The following SBDS variants were observed in gnomAD, a reference collection of about 807,000 sequenced individuals.
The protein encoded by SBDS is SBDS ribosome maturation factor, also known as ribosome maturation protein SBDS.
In SBDS, 20 loss-of-function variants were observed where a neutral mutation model predicts 26.4. That is an observed-to-expected ratio of 0.76 (90% CI 0.53 to 1.10). The LOEUF (loss-of-function observed/expected upper bound fraction) is 1.10. SBDS is among the 50% of genes least tolerant of loss of function. SBDS has a pLI of 0.00. For missense variants in SBDS, 241 were observed against 302.0 expected, an observed-to-expected ratio of 0.80 and a Z score of 1.50; for synonymous variants, 95 against 105.1, an observed-to-expected ratio of 0.90 and a Z score of 0.59.
Position 66,994,240 on chromosome 7 carries a change from G to C in SBDS, c.230C>G (p.Thr77Arg). 1 of 1,614,098 alleles carries C rather than the reference G, an allele frequency of 6.2e-7. No individual in the cohort carries two copies. Among genetic ancestry groups the C allele is most frequent in the Non-Finnish European group, 8.5e-7 (1 of 1,179,984 alleles). The change falls in exon 2 of 5, where the codon ACA becomes AGA. Residue 77 changes from threonine to arginine, a missense_variant. Physicochemically the swap from Thr to Arg is moderately conservative, Grantham distance 71. Coordinates refer to ENST00000246868, the MANE Select transcript of SBDS (RefSeq NM_016038.4). ...KKEDLISAFG[T>R]DDQTEICKQI... ...CTTACAGATTTCAGTTTGGTCATCT[G>C]TTCCAAACGCACTGATGAGATCTTC...
chr7:66,995,524 G>A lies in SBDS; in HGVS notation c.-107C>T, dbSNP rs539111398. The A allele has an allele frequency of 1.3e-6, 2 of 1,544,990 alleles. No individual in the cohort carries two copies. The highest frequency in any genetic ancestry group is 1.8e-6 in the Non-Finnish European group (2 of 1,127,912). Reference sequence around the variant, plus strand: ...TAACGACCGATCGGCGCGCGGCACTGACCCAACCACCAGTGCGCGGCGCCG... The same window carrying A: ...TAACGACCGATCGGCGCGCGGCACTAACCCAACCACCAGTGCGCGGCGCCG... On this transcript the variant is annotated 5_prime_UTR_variant, in exon 1 of 5. Coordinates refer to ENST00000246868, the MANE Select transcript of SBDS (RefSeq NM_016038.4).
In SBDS at chr7:66,995,335, T is replaced by C. The variant is rs751298432; in HGVS notation, c.83A>G (p.Glu28Gly). ...GACCTTGTTTTTGTAGCAGGCGATT[T>C]CGAAGCGCTTCCCGGCACGCTTCAT... is the stretch of plus-strand genomic sequence containing the variant. ...VRMKRAGKRFEIACYKNKVVG... is the reference protein window; with the variant it reads ...VRMKRAGKRFGIACYKNKVVG... The change falls in exon 1 of 5, where the codon GAA becomes GGA. Residue 28 changes from glutamate (E) to glycine (G), a missense_variant. By Grantham distance (98) the Glu-to-Gly change is moderately conservative. Transcript: ENST00000246868. 1.2e-6 allele frequency: 2 copies of C among 1,614,136 alleles called. No homozygotes were observed. The highest frequency in any genetic ancestry group is 1.7e-6 in the Non-Finnish European group (2 of 1,180,014).
Position 66,988,216 on chromosome 7 carries a change from T to C in SBDS, c.*155A>G. The C allele has an allele frequency of 2.6e-6, 2 of 777,792 alleles. No individual in the cohort carries two copies. Among genetic ancestry groups the C allele is most frequent in the Non-Finnish European group, 4.2e-6 (2 of 479,514 alleles). The allele number at this position is 777,792 out of a possible 1,614,324, so 48.2% of individuals were successfully genotyped here. A position where few individuals can be genotyped will look rare whatever the true frequency, so the allele number is the denominator to read the frequency against. ...AAACCAAATCATTCCCACATTATTA[T>C]ACTTATGTAGGAAAGCCTTGCTGTG... On this transcript the variant is annotated 3_prime_UTR_variant, in exon 5 of 5. Coordinates refer to ENST00000246868, the MANE Select transcript of SBDS (RefSeq NM_016038.4).
At position 66,990,005 on chromosome 7, in the gene SBDS, C is replaced by A. The variant is rs573708098; in HGVS notation, c.624+1132G>T. ...CAGAATTCAGCTTTCAGAATTTCATCATTCAGAATTCAATCTTTTTTTTTT... is the reference window on the plus strand; with the variant it reads ...CAGAATTCAGCTTTCAGAATTTCATAATTCAGAATTCAATCTTTTTTTTTT... On this transcript the variant is annotated intron_variant, in intron 4 of 4. Transcript: ENST00000246868. Among the ~76,000 whole-genome samples the A allele has an allele frequency of 1.4e-4, 21 of 151,234 alleles. No individual in the cohort carries two copies. In the South Asian group the frequency reaches 2.5e-3, roughly 18 times the overall value.
chr7:66,993,518 T>C, intron 2 of SBDS, 101 bp from the exon 3 acceptor site: 1 of 919,644 alleles, frequency 1.1e-6, no homozygotes, highest in Admixed American at 1.9e-5. Context: ...GAGAGAAAAT[T>C]AAATTTCATC....
Position 66,995,467 on chromosome 7 carries a change from C to G in SBDS, c.-50G>C. 6.2e-7 allele frequency: 1 copy of G among 1,611,916 alleles called. No homozygotes were observed. The highest frequency in any genetic ancestry group is 1.3e-5 in the African/African-American group (1 of 74,994). On this transcript the variant is annotated 5_prime_UTR_variant, in exon 1 of 5. Coordinates refer to ENST00000246868, the MANE Select transcript of SBDS (RefSeq NM_016038.4). ...CCGGCGAACCAGGGCTGACCCGCGC[C>G]GTCCAGCCTGAAGGCCACCAGCGCC... is the stretch of plus-strand genomic sequence containing the variant.
chr7:66,988,389 T>C lies in SBDS; in HGVS notation c.735A>G (p.Gly245=), dbSNP rs564988810. Residue 245 remains glycine (G), a synonymous_variant, in exon 5 of 5, where the codon GGA becomes GGG. Coordinates refer to ENST00000246868, the MANE Select transcript of SBDS (RefSeq NM_016038.4). The part of the protein sequence containing the change: ...EVLNLKDVEE[G]DEKFE The stretch of plus-strand genomic sequence containing the variant: ...ATGGGTGTCATTCAAATTTCTCATC[T>C]CCTTCTTCTACATCTTTCAGATTGA... The C allele has an allele frequency of 1.1e-4, 175 of 1,613,604 alleles. No homozygotes were observed. The highest frequency in any genetic ancestry group is 1.5e-4 in the Non-Finnish European group (172 of 1,179,974).
At chr7:66,994,903 C>T (rs1473907329) in intron 1 of SBDS, among the ~76,000 whole-genome samples, 1 of 152,210 alleles carries the variant, frequency 6.6e-6, no homozygotes, top group Non-Finnish European at 1.5e-5. Flanking sequence ...AGTGAAGACA[C>T]TACGCACTTT....
At chr7:66,994,801 G>A (rs1200548061) in intron 1 of SBDS, among the ~76,000 whole-genome samples, 2 of 152,152 alleles carry the variant, frequency 1.3e-5, no homozygotes, top group Non-Finnish European at 2.9e-5. Context: ...TTGCTCACTG[G>A]AGAAAAATGT....
chr7:66,988,642 T>C lies in SBDS; in HGVS notation c.625-143A>G, dbSNP rs1281040223. The C allele has an allele frequency of 2.3e-5, 23 of 1,012,000 alleles. 1 individual carries two copies. Among genetic ancestry groups the C allele is most frequent in the African/African-American group, 3.2e-5 (2 of 62,666 alleles). The allele number at this position is 1,012,000 out of a possible 1,614,324, so 62.7% of individuals were successfully genotyped here. On this transcript the variant is annotated intron_variant, in intron 4 of 4. Transcript: ENST00000246868. ...TTCTATGGTGCAATAGATAAGACAA[T>C]GGGTAGGGCGGCACACTGGGTTCCA...
At chr7:66,995,127 G>T (rs755190089) in intron 1 of SBDS, 163 bp downstream of exon 1, 7 of 967,372 alleles carry the variant, frequency 7.2e-6, no homozygotes, top group Non-Finnish European at 9.3e-6. Context: ...TGGCTTAGGC[G>T]CCAAGCTCGG....
intron 3 of SBDS, among the ~76,000 whole-genome samples, chr7:66,992,298 G>A (rs546073948): frequency 1.3e-5 from 2 of 152,208 alleles, no homozygotes; most frequent in South Asian, 4.1e-4. Context: ...GAGGAGATTA[G>A]TGGTTGGGAG....
Position 66,994,069 on chromosome 7 carries a change from T to A in SBDS, c.258+143A>T, listed in dbSNP as rs190027155. The stretch of plus-strand genomic sequence containing the variant: ...AAAAACAAACAAAACCACCAAGTTC[T>A]TTATTATTAGAAGTGACACTGTGCA... On this transcript the variant is annotated intron_variant, in intron 2 of 4. Coordinates refer to ENST00000246868, the MANE Select transcript of SBDS (RefSeq NM_016038.4). 1.3e-3 allele frequency: 968 copies of A among 760,134 alleles called. 15 individuals are homozygous for A. The East Asian group carries it at 0.026, about 20-fold the overall frequency. The allele number at this position is 760,134 out of a possible 1,614,324, so 47.1% of individuals were successfully genotyped here. A position where few individuals can be genotyped will look rare whatever the true frequency, so the allele number is the denominator to read the frequency against.
At chr7:66,993,699 C>A (rs1444177359) in intron 2 of SBDS, among the ~76,000 whole-genome samples, 1 of 151,966 alleles carries the variant, frequency 6.6e-6, no homozygotes, top group African/African-American at 2.4e-5. Flanking sequence ...CATGGTGAAA[C>A]CCCATCTCTA....
Position 66,988,307 on chromosome 7 carries a change from A to G in SBDS, c.*64T>C, listed in dbSNP as rs756845979. ...AGCAAGTATTTGGCAGACCACAGAC[A>G]TGAAACAGTGCCGTCGGAAACGGAA... On this transcript the variant is annotated 3_prime_UTR_variant, in exon 5 of 5. Transcript: ENST00000246868. The G allele has an allele frequency of 1.4e-5, 22 of 1,576,194 alleles. No homozygotes were observed. The highest frequency in any genetic ancestry group is 1.7e-5 in the Non-Finnish European group (20 of 1,152,924).
At position 66,993,023 on chromosome 7, in the gene SBDS, A is replaced by T. The variant is rs1466571928; in HGVS notation, c.459+194T>A. Among the ~76,000 whole-genome samples the T allele has an allele frequency of 1.4e-4, 22 of 151,946 alleles. 1 individual carries two copies. The South Asian group carries it at 4.6e-3, about 32-fold the overall frequency. On this transcript the variant is annotated intron_variant, in intron 3 of 4. Coordinates refer to ENST00000246868, the MANE Select transcript of SBDS (RefSeq NM_016038.4). ...CTCTGTCTCAAAAAAAAAAAAAAAA[A>T]ATTTAGAGATGGGGCGTCCCTATGT...
chr7:66,994,169 A>G (rs752076745), intron 2 of SBDS, 43 bp downstream of exon 2: 5 of 1,606,760 alleles, frequency 3.1e-6, no homozygotes, highest in Non-Finnish European at 4.3e-6. Flanking sequence ...CAAATACGTT[A>G]TAAATGGTTA....
chr7:66,993,371 G>A lies in SBDS; in HGVS notation c.305C>T (p.Thr102Ile). 1.2e-6 allele frequency: 2 copies of A among 1,614,072 alleles called. No homozygotes were observed. The highest frequency in any genetic ancestry group is 1.7e-6 in the Non-Finnish European group (2 of 1,180,012). The change falls in exon 3 of 5, where the codon ACA becomes ATA. Residue 102 changes from threonine to isoleucine, a missense_variant. Transcript: ENST00000246868. ...EVQVSDKERH[T>I]QLEQMFRDIA... ...GTCCCTAAACATCTGCTCCAGTTGT[G>A]TGTGTCTTTCTTTATCTGATACTTG...
Position 66,994,217 on chromosome 7 carries a change from T to G in SBDS, c.253A>C (p.Lys85Gln), listed in dbSNP as rs1366613475. ...FGTDDQTEIC[K>Q]QILTKGEVQV... ...ATGCTGCAGCTGTTACCCACCTGCT[T>G]ACAGATTTCAGTTTGGTCATCTGTT... The change falls in exon 2 of 5, where the codon AAG becomes CAG. Residue 85 changes from lysine (K) to glutamine (Q), a missense_variant. Transcript: ENST00000246868. The G allele has an allele frequency of 1.9e-6, 3 of 1,614,012 alleles. No homozygotes were observed. The African/African-American group carries it at 4.0e-5, about 22-fold the overall frequency.
Sources: gnomAD v4.1 joint callset for allele counts (sites outside exome capture counted in the v4.1 genomes callset) on GRCh38, gnomAD v4.1.1 for gene constraint, MANE v1.5 for transcripts, NCBI Gene and HGNC (gene_info 2026-07-23, HGNC 2026-07-21) for gene names.